ABCG2: variants seen among roughly 807,000 people sequenced by gnomAD.
The protein encoded by ABCG2 is ATP binding cassette subfamily G member 2 (JR blood group).
ABCG2 carries 80 observed loss-of-function variants against 73.5 expected under a neutral mutation model. That is an observed-to-expected ratio of 1.09 (90% CI 0.91 to 1.31). ABCG2 has a LOEUF of 1.31. Among genes scored for constraint, ABCG2 ranks in the 50% most tolerant of loss-of-function variants. The probability of loss-of-function intolerance (pLI) is 0.00; values close to 1 mark genes in which losing one functional copy is unlikely to be tolerated. For missense variants in ABCG2, 796 were observed against 786.2 expected (o/e 1.01, Z -0.15); for synonymous variants, 269 against 282.4 (o/e 0.95, Z 0.48).
intron 13 of ABCG2, among the ~76,000 whole-genome samples, chr4:88,096,389 A>G (rs1317135411): frequency 6.6e-6 from 1 of 152,248 alleles, no homozygotes; most frequent in Non-Finnish European, 1.5e-5. Flanking sequence ...AGCATCTCTG[A>G]GTAAAATACA....
chr4:88,162,781 G>C (rs981329734), upstream of ABCG2, among the ~76,000 whole-genome samples: 8 of 152,194 alleles, frequency 5.3e-5, no homozygotes, highest in Non-Finnish European at 7.3e-5. Flanking sequence ...AGTCACCAGT[G>C]CAAAGGAGAC....
chr4:88,136,476 T>G (rs541024227), intron 2 of ABCG2, among the ~76,000 whole-genome samples: 38 of 152,162 alleles, frequency 2.5e-4, no homozygotes, highest in African/African-American at 8.9e-4. Context: ...TGAGGCAAGG[T>G]GGGAGAAACA....
At chr4:88,106,701 G>C (rs1161375641) in intron 10 of ABCG2, among the ~76,000 whole-genome samples, 1 of 152,166 alleles carries the variant, frequency 6.6e-6, no homozygotes, top group African/African-American at 2.4e-5. Context: ...GGTGGTGATA[G>C]TTGCATAACA....
intron 1 of ABCG2, among the ~76,000 whole-genome samples, chr4:88,191,207 GCGTGC>G (rs1339335772): frequency 4.9e-5 from 7 of 143,188 alleles, no homozygotes; most frequent in Non-Finnish European, 1.1e-4. Flanking sequence ...TTGGCTCACT[GCGTGC>G]AGTGCTCCAA....
Position 88,119,656 on chromosome 4 carries a change from G to C in ABCG2, c.690-1396C>G, listed in dbSNP as rs1382666550. ...CTGGTGGCATTTTGCCCCTGCCCTA[G>C]AGATCTGTGGAACTATGAACTTGAG... On this transcript the variant is annotated intron_variant, in intron 6 of 15. Transcript: ENST00000237612. Among the ~76,000 whole-genome samples the C allele has an allele frequency of 2.0e-5, 3 of 152,200 alleles. No individual in the cohort carries two copies. In the East Asian group the frequency reaches 5.8e-4, roughly 29 times the overall value.
chr4:88,126,089 A>G (rs972535686), intron 5 of ABCG2, among the ~76,000 whole-genome samples: 1 of 152,226 alleles, frequency 6.6e-6, no homozygotes, highest in Non-Finnish European at 1.5e-5. Context: ...AATAATGATA[A>G]AGGGGATATA....
At chr4:88,223,240 G>A (rs1056841016) in intron 1 of ABCG2, among the ~76,000 whole-genome samples, 2 of 152,176 alleles carry the variant, frequency 1.3e-5, no homozygotes, top group Admixed American at 1.3e-4. Context: ...TGTTGGAAGG[G>A]CATGATTGTG....
Position 88,099,464 on chromosome 4 carries a change from A to G in ABCG2, c.1368-16T>C. 1 of 1,588,116 alleles carries G rather than the reference A, an allele frequency of 6.3e-7. No individual in the cohort carries two copies. Among genetic ancestry groups the G allele is most frequent in the Middle Eastern group, 1.8e-4 (1 of 5,612 alleles). On this transcript the variant is annotated splice_polypyrimidine_tract_variant and intron_variant, in intron 11 of 15. Coordinates refer to ENST00000237612, the MANE Select transcript of ABCG2 (RefSeq NM_004827.3). ...GTATTCATGTCTATAGAACAAAAAT[A>G]CGTATCATACATCCAAGATTAGTTT...
chr4:88,113,531 G>T lies in ABCG2; in HGVS notation c.966C>A (p.Ser322=). Residue 322 remains serine (S), a synonymous_variant, in exon 9 of 16, where the codon TCC becomes TCA. Coordinates refer to ENST00000237612, the MANE Select transcript of ABCG2 (RefSeq NM_004827.3). The part of the protein sequence containing the change: ...DFKATEIIEP[S]KQDKPLIEKL... ...TTTCTATGAGTGGCTTATCCTGCTT[G>T]GAAGGCTCTATGATCTCTGTGGCTT... 1 of 1,614,032 alleles carries T rather than the reference G, an allele frequency of 6.2e-7. No homozygotes were observed. The highest frequency in any genetic ancestry group is 8.5e-7 in the Non-Finnish European group (1 of 1,179,994).
In ABCG2 at chr4:88,211,369, C is replaced by A. The variant is rs866464240; in HGVS notation, c.-20+19625G>T. ...ATTGTTCAACCCCTGCCCCACCCCCCCCCACTTTTGGAGACCCCAGTGTCT... is the reference window on the plus strand; with the variant it reads ...ATTGTTCAACCCCTGCCCCACCCCCACCCACTTTTGGAGACCCCAGTGTCT... On this transcript the variant is annotated intron_variant, in intron 1 of 15. Coordinates refer to the ABCG2 transcript ENST00000515655. Among the ~76,000 whole-genome samples, 19 of 129,242 alleles carry A rather than the reference C, an allele frequency of 1.5e-4. 2 individuals carry two copies. The highest frequency in any genetic ancestry group is 4.9e-4 in the African/African-American group (18 of 36,480). The allele number at this position is 129,242 out of a possible 152,430, so 84.8% of individuals were successfully genotyped here.
chr4:88,186,080 T>C (rs1473441602), intron 1 of ABCG2, among the ~76,000 whole-genome samples: 1 of 152,186 alleles, frequency 6.6e-6, no homozygotes, highest in East Asian at 1.9e-4. Context: ...ATTACAGCAC[T>C]ATTCAGAATA....
chr4:88,138,449 C>G (rs990660487), intron 2 of ABCG2, among the ~76,000 whole-genome samples: 12 of 152,234 alleles, frequency 7.9e-5, no homozygotes, highest in Admixed American at 7.2e-4. Context: ...TGACTTAGTT[C>G]TAGAAGTGAA....
chr4:88,098,645 G>GAGAT (rs55760486), intron 12 of ABCG2, among the ~76,000 whole-genome samples: 33,394 of 143,612 alleles, frequency 0.23, 4,171 homozygotes, highest in African/African-American at 0.31. Context: ...GAGACAGGGA[G>GAGAT]AGATAGATAG....
intron 1 of ABCG2, among the ~76,000 whole-genome samples, chr4:88,186,943 T>C (rs1040868820): frequency 2.5e-4 from 22 of 88,174 alleles, no homozygotes; most frequent in African/African-American, 9.5e-4. Context: ...AAAAAAAAAA[T>C]TTAGCCGGGC....
chr4:88,159,199 C>G (rs2231134), upstream of ABCG2: 13,783 of 456,304 alleles, frequency 0.03, 308 homozygotes, highest in Non-Finnish European at 0.042. Flanking sequence ...TTGGGCTGAT[C>G]AGTACCTCGT....
intron 1 of ABCG2, among the ~76,000 whole-genome samples, chr4:88,224,301 G>T (rs1730117659): frequency 6.6e-6 from 1 of 152,054 alleles, no homozygotes; most frequent in Admixed American, 6.5e-5. Flanking sequence ...ATCTGGGTGT[G>T]GTGGTGGGTG....
intron 1 of ABCG2, among the ~76,000 whole-genome samples, chr4:88,170,004 G>C (rs192196120): frequency 6.6e-6 from 1 of 151,808 alleles, no homozygotes; most frequent in Non-Finnish European, 1.5e-5. Flanking sequence ...CCAGCTACTC[G>C]GGAGGCTGAG....
At chr4:88,194,040 C>T (rs1177589804) in intron 1 of ABCG2, among the ~76,000 whole-genome samples, 1 of 152,110 alleles carries the variant, frequency 6.6e-6, no homozygotes, top group Non-Finnish European at 1.5e-5. Flanking sequence ...CCACCATGCT[C>T]GGCCAAAGGT....
intron 1 of ABCG2, among the ~76,000 whole-genome samples, chr4:88,216,647 A>G (rs1234723234): frequency 6.6e-6 from 1 of 152,218 alleles, no homozygotes; most frequent in East Asian, 1.9e-4. Context: ...CCAGATGGCC[A>G]CCTAGTAGTA....
Sources: allele counts gnomAD v4.1 joint callset (sites outside exome capture counted in the v4.1 genomes callset), GRCh38; gene constraint gnomAD v4.1.1; transcripts MANE v1.5; gene names NCBI Gene and HGNC (gene_info 2026-07-23, HGNC 2026-07-21).